SEC14L1: variants seen among roughly 807,000 people sequenced by gnomAD.
SEC14L1 encodes the protein SEC14-like protein 1.
In SEC14L1, 48 loss-of-function variants were observed where a neutral mutation model predicts 85.3. The observed-to-expected ratio is 0.56, with a 90% CI of 0.45 to 0.72. The LOEUF (loss-of-function observed/expected upper bound fraction) is 0.72, where lower values mean the gene tolerates loss of function less well. Among genes scored for constraint, SEC14L1 ranks in the 30% least tolerant of loss-of-function variants. The pLI is 0.00. For synonymous variants in SEC14L1, 391 were observed against 355.5 expected (o/e 1.10, Z -1.12); for missense variants, 682 against 921.4 (o/e 0.74, Z 3.36).
upstream of SEC14L1, among the ~76,000 whole-genome samples, chr17:77,139,733 C>G (rs568441968): frequency 6.6e-6 from 1 of 151,438 alleles, no homozygotes; most frequent in South Asian, 2.1e-4. Flanking sequence ...CTCCTGACCT[C>G]GTGATCCGCC....
chr17:77,181,469 A>G (rs1010877350), intron 3 of SEC14L1, among the ~76,000 whole-genome samples: 2 of 152,164 alleles, frequency 1.3e-5, no homozygotes, highest in Admixed American at 1.3e-4. Flanking sequence ...CTGGAGTGCA[A>G]TGGCACAATC....
chr17:77,099,966 A>G (rs1382745900), intron 3 of SEC14L1, among the ~76,000 whole-genome samples: 1 of 152,184 alleles, frequency 6.6e-6, no homozygotes, highest in Admixed American at 6.5e-5. Context: ...TGTTTAAAAA[A>G]ATTTTTTTTC....
rs374382252 is a variant in SEC14L1, at chr17:77,206,191, T to C, written c.1170-38T>C. On this transcript the variant is annotated intron_variant, in intron 11 of 16. Coordinates refer to ENST00000436233, the MANE Select transcript of SEC14L1 (RefSeq NM_001143998.2). This position sits in a 1 kb window ranked among gnomAD's most constrained non-coding sequence, Gnocchi z 4.3. ...ATAAGACACAGTTTGCTAAGTGTGC[T>C]GTCTGTTGAATGAAACACATCTCTG... 1.2e-5 allele frequency: 19 copies of C among 1,593,496 alleles called. No individual in the cohort carries two copies. The highest frequency in any genetic ancestry group is 1.5e-5 in the Non-Finnish European group (18 of 1,163,994).
chr17:77,154,734 A>G (rs1973733473), intron 3 of SEC14L1, among the ~76,000 whole-genome samples: 2 of 150,818 alleles, frequency 1.3e-5, no homozygotes, highest in African/African-American at 4.9e-5. Flanking sequence ...TACTGGATCC[A>G]TTTTCCATTC....
exon 3 of SEC14L1, chr17:77,093,338 G>A (rs1319861962): frequency 6.6e-6 from 1 of 152,232 alleles, no homozygotes; most frequent in Non-Finnish European, 1.5e-5. Flanking sequence ...TTTGGCCTAG[G>A]ATCATCCAGG....
At chr17:77,133,905 C>T (rs1229288633) in intron 3 of SEC14L1, among the ~76,000 whole-genome samples, 4 of 146,272 alleles carry the variant, frequency 2.7e-5, no homozygotes, top group African/African-American at 1.0e-4. Context: ...TGCCACTGTA[C>T]TCCAGCCTGG....
intron 3 of SEC14L1, among the ~76,000 whole-genome samples, chr17:77,187,384 C>T (rs1449315336): frequency 6.6e-6 from 1 of 151,864 alleles, no homozygotes; most frequent in Non-Finnish European, 1.5e-5. Flanking sequence ...CCCCCCCACA[C>T]CCCTTTTTTC....
chr17:77,107,307 C>T (rs1971936931), intron 3 of SEC14L1, among the ~76,000 whole-genome samples: 1 of 152,180 alleles, frequency 6.6e-6, no homozygotes, highest in Admixed American at 6.5e-5. Context: ...GACTGGCATC[C>T]TTATCTCCAC....
rs535623239 is a variant in SEC14L1, at chr17:77,119,810, ACC to A, written c.-135-22834_-135-22833del. ...GCACTTAAACCTACCAGCTCCACCC[ACC>A]CTTGCCAAAGCTGTCACTATGAGAA... On this transcript the variant is annotated intron_variant, in intron 3 of 19. Coordinates refer to the SEC14L1 transcript ENST00000392476. 8.5e-5 allele frequency among the ~76,000 whole-genome samples: 13 copies of A among 152,138 alleles called. No homozygotes were observed. The South Asian group carries it at 2.7e-3, about 32-fold the overall frequency.
chr17:77,215,056 CT>C lies in SEC14L1; in HGVS notation c.*1034del, dbSNP rs914228426. On this transcript the variant is annotated 3_prime_UTR_variant, in exon 17 of 17. Coordinates refer to ENST00000436233, the MANE Select transcript of SEC14L1 (RefSeq NM_001143998.2). ...CTTCTTTGTACATGGGAATTGTGGA[CT>C]CATGCGTGTGTGTGTGTGCATGTGC... 1.0e-5 allele frequency: 10 copies of C among 980,174 alleles called. No homozygotes were observed. The Admixed American group carries it at 5.1e-4, about 50-fold the overall frequency. The allele number at this position is 980,174 out of a possible 1,614,324, so 60.7% of individuals were successfully genotyped here. A position where few individuals can be genotyped will look rare whatever the true frequency, so the allele number is the denominator to read the frequency against.
intron 3 of SEC14L1, among the ~76,000 whole-genome samples, chr17:77,126,020 G>T (rs1185199181): frequency 6.6e-6 from 1 of 152,152 alleles, no homozygotes; most frequent in African/African-American, 2.4e-5. Context: ...GTATGGTGGC[G>T]CATGCCTGTA....
intron 3 of SEC14L1, among the ~76,000 whole-genome samples, chr17:77,155,812 T>A (rs1973786841): frequency 6.6e-6 from 1 of 152,214 alleles, no homozygotes; most frequent in South Asian, 2.1e-4. Flanking sequence ...CTCGGCTCAC[T>A]GCAGCCTCCG....
intron 3 of SEC14L1, among the ~76,000 whole-genome samples, chr17:77,184,637 G>A (rs1975186258): frequency 6.6e-6 from 1 of 152,168 alleles, no homozygotes; most frequent in South Asian, 2.1e-4. Context: ...AAACGTTTCT[G>A]CCTCGCCTTG....
chr17:77,106,291 T>C (rs1364118727), intron 3 of SEC14L1, among the ~76,000 whole-genome samples: 1 of 152,048 alleles, frequency 6.6e-6, no homozygotes, highest in Admixed American at 6.6e-5. Flanking sequence ...CCCAGCACTT[T>C]GGGAGGCTAA....
At chr17:77,120,317 T>A (rs1972264457) in intron 3 of SEC14L1, among the ~76,000 whole-genome samples, 1 of 152,130 alleles carries the variant, frequency 6.6e-6, no homozygotes, top group Non-Finnish European at 1.5e-5. Flanking sequence ...ACGTAGGAGC[T>A]CAGCTAGGGA....
intron 14 of SEC14L1, 33 bp downstream of exon 14, chr17:77,209,509 C>T (rs1367573116): frequency 6.2e-7 from 1 of 1,608,158 alleles, no homozygotes; most frequent in East Asian, 2.2e-5. Flanking sequence ...CCTGGGCCGG[C>T]CCTTCCTCCG....
chr17:77,099,850 A>T (rs1971726313), intron 3 of SEC14L1, among the ~76,000 whole-genome samples: 1 of 152,212 alleles, frequency 6.6e-6, no homozygotes, highest in Admixed American at 6.5e-5. Context: ...GTTAACGGGG[A>T]AGATCAAAAG....
At chr17:77,132,870 T>C (rs186286425) in intron 3 of SEC14L1, among the ~76,000 whole-genome samples, 1 of 151,068 alleles carries the variant, frequency 6.6e-6, no homozygotes, top group South Asian at 2.1e-4. Context: ...TTTTCTTTTT[T>C]CTTTTTTTTT....
chr17:77,141,329 G>GC (rs1973027931), intron 1 of SEC14L1: 1 of 46,604 alleles, frequency 2.1e-5, no homozygotes, highest in African/African-American at 8.5e-5. Context: ...GCCGCCCCTC[G>GC]CCCCCCTCCC....
Sources: allele counts gnomAD v4.1 joint callset (sites outside exome capture counted in the v4.1 genomes callset), GRCh38; gene constraint gnomAD v4.1.1; non-coding constraint Gnocchi (gnomAD v3.1); transcripts MANE v1.5; gene names NCBI Gene and HGNC (gene_info 2026-07-23, HGNC 2026-07-21).